Variants in CUEDC1 observed in about 807,000 individuals in gnomAD.
CUEDC1 encodes the protein CUE domain containing 1.
In CUEDC1, 30 loss-of-function variants were observed where a neutral mutation model predicts 43.7. The observed-to-expected ratio is 0.69, with a 90% confidence interval of 0.51 to 0.93. The LOEUF (loss-of-function observed/expected upper bound fraction) is 0.93. CUEDC1 is among the 40% of genes least tolerant of loss of function. The pLI, the probability that CUEDC1 is intolerant of heterozygous loss-of-function variation, is 0.00. For synonymous variants in CUEDC1, 223 were observed against 223.6 expected (o/e 1.00, Z 0.02); for missense variants, 486 against 549.0 (o/e 0.89, Z 1.15).
At chr17:57,874,044 G>A (rs1343683193) in intron 3 of CUEDC1, among the ~76,000 whole-genome samples, 2 of 152,180 alleles carry the variant, frequency 1.3e-5, no homozygotes, top group Non-Finnish European at 2.9e-5. Flanking sequence ...AAGACAGCAG[G>A]GATCGCATCC....
At chr17:57,941,080 T>G (rs1190205249) in intron 1 of CUEDC1, among the ~76,000 whole-genome samples, 1 of 152,182 alleles carries the variant, frequency 6.6e-6, no homozygotes, top group African/African-American at 2.4e-5. Flanking sequence ...TCCCTTGCTC[T>G]GGGCGCAGAC....
At chr17:57,938,960 C>A (rs1284041232) in intron 1 of CUEDC1, among the ~76,000 whole-genome samples, 1 of 82,664 alleles carries the variant, frequency 1.2e-5, no homozygotes. Context: ...CGTGCCCAGC[C>A]TTTTTTTTTT....
chr17:57,933,207 G>A (rs918077123), intron 1 of CUEDC1, among the ~76,000 whole-genome samples: 1 of 152,152 alleles, frequency 6.6e-6, no homozygotes, highest in Non-Finnish European at 1.5e-5. Context: ...GCAGCAAGGG[G>A]GGAGAACCAC....
chr17:57,866,701 A>G, intron 9 of CUEDC1, 157 bp from the exon 10 acceptor site: 1 of 650,690 alleles, frequency 1.5e-6, no homozygotes, highest in Admixed American at 2.8e-5. Context: ...GGGTCCAGGG[A>G]GAGAGGCAGC....
In CUEDC1 at chr17:57,866,955, C is replaced by T. The variant is rs867263511; in HGVS notation, c.1093+402G>A. ...GTCTGAGGCAGAGTCTTCTGGCCCA[C>T]GTGGCCTTTGGAAGGGACTGGGTGA... On this transcript the variant is annotated intron_variant, in intron 9 of 10. Coordinates refer to ENST00000577830, the MANE Select transcript of CUEDC1 (RefSeq NM_001271875.2). The T allele has an allele frequency of 3.2e-4, 111 of 351,088 alleles. 2 individuals carry two copies. The highest frequency in any genetic ancestry group is 1.6e-3 in the South Asian group (46 of 28,474). The allele number at this position is 351,088 out of a possible 1,614,324, so 21.7% of individuals were successfully genotyped here.
intron 1 of CUEDC1, among the ~76,000 whole-genome samples, chr17:57,931,613 A>G (rs1414373210): frequency 6.6e-6 from 1 of 152,178 alleles, no homozygotes; most frequent in Non-Finnish European, 1.5e-5. Context: ...AGGGAAAGCC[A>G]GTCCGAGGGT....
intron 3 of CUEDC1, among the ~76,000 whole-genome samples, chr17:57,874,070 C>A (rs2074076222): frequency 6.6e-6 from 1 of 152,236 alleles, no homozygotes. Flanking sequence ...TGCTTCTATC[C>A]TAGCACCTAC....
intron 1 of CUEDC1, among the ~76,000 whole-genome samples, chr17:57,945,383 A>G (rs750328708): frequency 2.0e-5 from 3 of 152,236 alleles, no homozygotes; most frequent in Non-Finnish European, 4.4e-5. Flanking sequence ...TGGTAGACAT[A>G]TGCCCCCATG....
At chr17:57,942,431 C>G (rs1294414740) in intron 1 of CUEDC1, among the ~76,000 whole-genome samples, 2 of 152,054 alleles carry the variant, frequency 1.3e-5, no homozygotes, top group Non-Finnish European at 2.9e-5. Context: ...CTCTGTCGCC[C>G]AGGCTGGAGT....
In CUEDC1 at chr17:57,869,157, G is replaced by A. The variant is rs749964639; in HGVS notation, c.905C>T (p.Ala302Val). 3 of 1,613,988 alleles carry A rather than the reference G, an allele frequency of 1.9e-6. No homozygotes were observed. The highest frequency in any genetic ancestry group is 2.2e-5 in the South Asian group (2 of 91,054). Reference sequence around the variant, plus strand: ...GTGTTTCAGCTTGTCCCTGAATAAGGCATCTTCAGACACAGCGGGGTTGGC... The same window carrying A: ...GTGTTTCAGCTTGTCCCTGAATAAGACATCTTCAGACACAGCGGGGTTGGC... ...GDANPAVSED[A>V]LFRDKLKHMG... Residue 302 changes from alanine to valine, a missense_variant, in exon 7 of 11, where the codon GCC becomes GTC. By Grantham distance (64) the Ala-to-Val change is moderately conservative. Transcript: ENST00000577830.
chr17:57,949,431 C>T (rs941286850), intron 1 of CUEDC1, among the ~76,000 whole-genome samples: 3 of 152,202 alleles, frequency 2.0e-5, no homozygotes, highest in African/African-American at 7.2e-5. Context: ...GCTGAACCCT[C>T]CAGGCATGTT....
chr17:57,872,972 G>A (rs1339990746), intron 4 of CUEDC1, 117 bp from the exon 5 acceptor site: 12 of 943,372 alleles, frequency 1.3e-5, no homozygotes, highest in Middle Eastern at 2.3e-4. Context: ...CCTCACCTGA[G>A]GCTCACACCT....
intron 1 of CUEDC1, among the ~76,000 whole-genome samples, chr17:57,929,075 G>A (rs2074778201): frequency 6.6e-6 from 1 of 152,058 alleles, no homozygotes; most frequent in Non-Finnish European, 1.5e-5. Flanking sequence ...TAAAAACAAG[G>A]GTGTTCCTTA....
intron 1 of CUEDC1, among the ~76,000 whole-genome samples, chr17:57,889,812 G>C (rs2074336456): frequency 1.3e-5 from 2 of 152,096 alleles, no homozygotes; most frequent in Admixed American, 6.5e-5. Flanking sequence ...TTAGAACCAG[G>C]TGGACTATAG....
intron 1 of CUEDC1, among the ~76,000 whole-genome samples, chr17:57,935,070 ACCAAGCTCC>A (rs923616434): frequency 6.6e-6 from 1 of 152,212 alleles, no homozygotes; most frequent in Non-Finnish European, 1.5e-5. Context: ...GAATCCAGGG[ACCAAGCTCC>A]CCAAGACAGC....
intron 1 of CUEDC1, among the ~76,000 whole-genome samples, chr17:57,896,490 GTGT>G (rs1568041576): frequency 0.068 from 5,982 of 88,342 alleles, 626 homozygotes; most frequent in African/African-American, 0.22. Context: ...ATTATGGGGT[GTGT>G]GTGTGTGTGT....
intron 1 of CUEDC1, among the ~76,000 whole-genome samples, chr17:57,931,419 G>A (rs949077477): frequency 5.3e-5 from 8 of 152,298 alleles, no homozygotes; most frequent in South Asian, 2.1e-4. Flanking sequence ...GCCACATGCC[G>A]GGCACTGTCA....
chr17:57,933,096 G>A (rs1438139527), intron 1 of CUEDC1, among the ~76,000 whole-genome samples: 1 of 152,042 alleles, frequency 6.6e-6, no homozygotes, highest in African/African-American at 2.4e-5. Flanking sequence ...TAGATAGATG[G>A]TTCTCAACCC....
intron 1 of CUEDC1, among the ~76,000 whole-genome samples, chr17:57,891,190 C>A (rs1055229364): frequency 6.6e-6 from 1 of 152,208 alleles, no homozygotes; most frequent in Non-Finnish European, 1.5e-5. Flanking sequence ...GCTGCCTCCA[C>A]TTGGACATCC....
Sources: allele counts gnomAD v4.1 joint callset (sites outside exome capture counted in the v4.1 genomes callset), GRCh38; gene constraint gnomAD v4.1.1; transcripts MANE v1.5; gene names NCBI Gene and HGNC (gene_info 2026-07-23, HGNC 2026-07-21).